The following HMCN2 variants were observed in gnomAD, a reference collection of about 807,000 sequenced individuals.
HMCN2 encodes the protein hemicentin 2, also known as hemicentin-2.
HMCN2 carries 325 observed loss-of-function variants against 377.5 expected under a neutral mutation model. That is an observed-to-expected ratio of 0.86 (90% CI 0.79 to 0.94). The LOEUF (loss-of-function observed/expected upper bound fraction) is 0.94, where lower values mean the gene tolerates loss of function less well. Ranked by LOEUF, HMCN2 falls within the 40% of genes least tolerant of loss-of-function variation. The probability of loss-of-function intolerance (pLI) is 0.00; values close to 1 mark genes in which losing one functional copy is unlikely to be tolerated. For missense variants in HMCN2, 4,543 were observed against 4,725.3 expected (o/e 0.96, Z 1.13); for synonymous variants, 2,007 against 2,046.8 (o/e 0.98, Z 0.53).
chr9:130,430,080 T>C, intron 94 of HMCN2: 1 of 614,432 alleles, frequency 1.6e-6, no homozygotes, highest in Non-Finnish European at 2.8e-6. Context: ...CTGGGGAGGC[T>C]GGGCCTCTGG....
At chr9:130,399,383 A>G (rs1842760033) in intron 75 of HMCN2, 128 bp from the exon 76 acceptor site, 2 of 1,068,290 alleles carry the variant, frequency 1.9e-6, no homozygotes, top group Non-Finnish European at 2.3e-6. Flanking sequence ...TCTAGAAGAC[A>G]TTTCTAGAGT....
Position 130,393,968 on chromosome 9 carries a change from G to T in HMCN2, c.10461G>T (p.Glu3487Asp), listed in dbSNP as rs1354490650. Residue 3487 changes from glutamate (E) to aspartate (D), a missense_variant, in exon 68 of 98, where the codon GAG (glutamate) becomes GAT (aspartate). Physicochemically the swap from Glu to Asp is conservative, Grantham distance 45. Coordinates refer to ENST00000683500, the MANE Select transcript of HMCN2 (RefSeq NM_001291815.2). The surrounding 1 kb of genome is among the most constrained non-coding windows in gnomAD (Gnocchi z 5.2). ...SGTYSCVAVS[E>D]AGEARRHFQL... is the part of the protein sequence containing the mutation. ...CCTACTCCTGTGTGGCCGTGAGCGA[G>T]GCGGGGGAAGCCAGGAGGCATTTCC... 7.8e-7 allele frequency: 1 copy of T among 1,281,588 alleles called. No homozygotes were observed. Among genetic ancestry groups the T allele is most frequent in the South Asian group, 1.2e-5 (1 of 80,114 alleles). 79.4% of individuals were successfully genotyped at this position (1,281,588 alleles called of 1,614,324 possible).
At chr9:130,274,058 T>A (rs1482291933) in intron 1 of HMCN2, among the ~76,000 whole-genome samples, 1 of 151,940 alleles carries the variant, frequency 6.6e-6, no homozygotes, top group African/African-American at 2.4e-5. Flanking sequence ...CATTAATTTT[T>A]TTTTTTTTTT....
At chr9:130,313,645 G>A (rs1421679935) in intron 15 of HMCN2, among the ~76,000 whole-genome samples, 2 of 151,850 alleles carry the variant, frequency 1.3e-5, no homozygotes, top group Non-Finnish European at 2.9e-5. Flanking sequence ...GCTGACCAGC[G>A]CTCGGTGAGG....
At chr9:130,289,443 G>A (rs1278433365) in intron 4 of HMCN2, among the ~76,000 whole-genome samples, 2 of 152,110 alleles carry the variant, frequency 1.3e-5, no homozygotes. Flanking sequence ...CCCCTCCCAG[G>A]GGGAGGTGGT....
chr9:130,400,723 C>CT, intron 76 of HMCN2, 60 bp from the exon 77 acceptor site: 1 of 1,209,416 alleles, frequency 8.3e-7, no homozygotes. Flanking sequence ...CCCCCTGGCC[C>CT]TGTGGCCGTG....
intron 86 of HMCN2, among the ~76,000 whole-genome samples, chr9:130,420,398 T>C (rs1843938536): frequency 6.6e-6 from 1 of 152,162 alleles, no homozygotes; most frequent in South Asian, 2.1e-4. Flanking sequence ...CCCTCTCCTG[T>C]TGGCAGGCCC....
chr9:130,428,599 C>A lies in HMCN2; in HGVS notation c.14197+110C>A. 1 of 1,400,216 alleles carries A rather than the reference C, an allele frequency of 7.1e-7. No homozygotes were observed. The highest frequency in any genetic ancestry group is 9.6e-7 in the Non-Finnish European group (1 of 1,043,672). The allele number at this position is 1,400,216 out of a possible 1,614,324, so 86.7% of individuals were successfully genotyped here. ...ACTGGGCTCTGGGCTTCCAGGAAGACTGGGACTCTTGGCAGAAGGAGTACA... is the reference window on the plus strand; with the variant it reads ...ACTGGGCTCTGGGCTTCCAGGAAGAATGGGACTCTTGGCAGAAGGAGTACA... On this transcript the variant is annotated intron_variant, in intron 93 of 97. Transcript: ENST00000683500. This position sits in a 1 kb window ranked among gnomAD's most constrained non-coding sequence, Gnocchi z 5.0.
At chr9:130,348,392 G>C in intron 26 of HMCN2, 153 bp from the exon 27 acceptor site, 1 of 969,912 alleles carries the variant, frequency 1.0e-6, no homozygotes, top group Non-Finnish European at 1.2e-6. Flanking sequence ...GCCATCTGCA[G>C]GTCCACAGGA....
intron 37 of HMCN2, among the ~76,000 whole-genome samples, chr9:130,359,930 A>G (rs1840272015): frequency 6.6e-6 from 1 of 152,102 alleles, no homozygotes; most frequent in East Asian, 1.9e-4. Context: ...AGTTCCGGGG[A>G]CATGTCCCGG....
chr9:130,422,857 G>A lies in HMCN2; in HGVS notation c.13381+131G>A. On this transcript the variant is annotated intron_variant, in intron 87 of 97. Transcript: ENST00000683500. The surrounding 1 kb of genome is among the most constrained non-coding windows in gnomAD (Gnocchi z 4.2). Reference sequence around the variant, plus strand: ...ACTTGCTCAAGGCCTGATGACCAGAGCACGTCTGACCATCTCTCAAAGCTG... The same window carrying A: ...ACTTGCTCAAGGCCTGATGACCAGAACACGTCTGACCATCTCTCAAAGCTG... 1 of 718,686 alleles carries A rather than the reference G, an allele frequency of 1.4e-6. No homozygotes were observed. The highest frequency in any genetic ancestry group is 1.9e-6 in the Non-Finnish European group (1 of 517,562). 44.5% of individuals were successfully genotyped at this position (718,686 alleles called of 1,614,324 possible). A position where few individuals can be genotyped will look rare whatever the true frequency, so the allele number is the denominator to read the frequency against.
intron 1 of HMCN2, among the ~76,000 whole-genome samples, chr9:130,281,336 C>T (rs1835108244): frequency 6.6e-6 from 1 of 152,152 alleles, no homozygotes; most frequent in African/African-American, 2.4e-5. Context: ...GTGGGTAAGA[C>T]TTGGACGCCA....
chr9:130,355,087 C>T (rs899482693), intron 32 of HMCN2, 43 bp downstream of exon 32: 38 of 1,231,058 alleles, frequency 3.1e-5, no homozygotes, highest in Middle Eastern at 3.5e-4. Flanking sequence ...GGGCTGTGGA[C>T]GTCTGCCCAG....
chr9:130,386,827 A>G (rs1842049033), intron 61 of HMCN2, among the ~76,000 whole-genome samples: 1 of 152,204 alleles, frequency 6.6e-6, no homozygotes, highest in Non-Finnish European at 1.5e-5. Flanking sequence ...AGAATTTAAA[A>G]AACTAAGGTT....
At chr9:130,430,190 T>C in intron 94 of HMCN2, 94 bp from the exon 95 acceptor site, 1 of 1,058,544 alleles carries the variant, frequency 9.4e-7, no homozygotes, top group Non-Finnish European at 1.3e-6. Context: ...TTCTAGGGAA[T>C]GCCAACAAGA....
intron 86 of HMCN2, chr9:130,419,333 G>A (rs890989551): frequency 7.0e-6 from 2 of 285,388 alleles, no homozygotes; most frequent in Non-Finnish European, 1.3e-5. Flanking sequence ...CTGGAAGCAG[G>A]CAGAGGAAGA....
At chr9:130,383,414 G>A in intron 56 of HMCN2, 90 bp from the exon 57 acceptor site, 1 of 501,406 alleles carries the variant, frequency 2.0e-6, no homozygotes, top group Non-Finnish European at 2.6e-6. Flanking sequence ...CCTGGCATGG[G>A]ATGGGAGGGA....
rs1164198387 is a variant in HMCN2, at chr9:130,394,767, A to G, written c.10692+192A>G. Among the ~76,000 whole-genome samples, 1 of 152,178 alleles carries G rather than the reference A, an allele frequency of 6.6e-6. No homozygotes were observed. The highest frequency in any genetic ancestry group is 2.4e-5 in the African/African-American group (1 of 41,448). ...GCCAGCAGGGTCAGGGCCCAGGCTG[A>G]TGCCAAAACCAGGTGACCCCATCTA... On this transcript the variant is annotated intron_variant, in intron 69 of 97. Coordinates refer to ENST00000683500, the MANE Select transcript of HMCN2 (RefSeq NM_001291815.2). This position sits in a 1 kb window ranked among gnomAD's most constrained non-coding sequence, Gnocchi z 5.1.
intron 40 of HMCN2, 56 bp from the exon 41 acceptor site, chr9:130,364,658 C>T: frequency 1.1e-6 from 1 of 933,544 alleles, no homozygotes; most frequent in Non-Finnish European, 1.3e-6. Context: ...TGTGGCCCCT[C>T]CTTGCCAGCC....
Sources: allele counts gnomAD v4.1 joint callset (sites outside exome capture counted in the v4.1 genomes callset), GRCh38; gene constraint gnomAD v4.1.1; non-coding constraint Gnocchi (gnomAD v3.1); transcripts MANE v1.5; gene names NCBI Gene and HGNC (gene_info 2026-07-23, HGNC 2026-07-21).